C7orf25: variants seen among roughly 807,000 people sequenced by gnomAD.
C7orf25 encodes the protein UPF0415 protein C7orf25.
C7orf25 carries 14 observed loss-of-function variants against 25.5 expected under a neutral mutation model. The ratio of observed to expected loss-of-function variants is 0.55; its 90% CI spans 0.36 to 0.86. C7orf25 has a LOEUF of 0.86. C7orf25 is among the 40% of genes least tolerant of loss of function. The pLI, the probability that C7orf25 is intolerant of heterozygous loss-of-function variation, is 0.01. For missense variants in C7orf25, 405 were observed against 493.9 expected, an observed-to-expected ratio of 0.82 and a Z score of 1.71; for synonymous variants, 184 against 179.9, an observed-to-expected ratio of 1.02 and a Z score of -0.18.
intron 1 of C7orf25, 63 bp downstream of exon 1, chr7:42,911,852 C>T (rs1192577662): frequency 2.2e-5 from 30 of 1,357,778 alleles, no homozygotes; most frequent in Non-Finnish European, 2.5e-5. Context: ...CTGCCCAGCC[C>T]CCTCTGGCCT....
Position 42,910,838 on chromosome 7 carries a change from T to C in C7orf25, c.63A>G (p.Ala21=), listed in dbSNP as rs375214142. 1.1e-5 allele frequency: 17 copies of C among 1,614,126 alleles called. No homozygotes were observed. In the African/African-American group the frequency reaches 2.3e-4, roughly 22 times the overall value. ...CTTTTCTTGATCTAGAAAGTGATTC[T>C]GCTCTCTTGATCAGTTCCTTGGCTA... The part of the protein sequence containing the change: ...IAIAKELIKR[A]ESLSRSRKGG... The change falls in exon 2 of 2, where the codon GCA becomes GCG. Residue 21 remains alanine, a synonymous_variant. Transcript: ENST00000350427.
At position 42,909,929 on chromosome 7, in the gene C7orf25, T is replaced by C. The variant is rs1256624217; in HGVS notation, c.972A>G (p.Arg324=). Residue 324 remains arginine (R), a synonymous_variant, in exon 2 of 2, where the codon AGA becomes AGG. Coordinates refer to ENST00000350427, the MANE Select transcript of C7orf25 (RefSeq NM_001099858.2). ...GCTTAATTAACACAGTGGCCCTCTCTCTCTCCCCAGGTCCTCCTAAGGTAT... is the reference window on the plus strand; with the variant it reads ...GCTTAATTAACACAGTGGCCCTCTCCCTCTCCCCAGGTCCTCCTAAGGTAT... ...ILDTLGGPGE[R]ERATVLIKRI... 6.2e-7 allele frequency: 1 copy of C among 1,614,184 alleles called. No homozygotes were observed. The highest frequency in any genetic ancestry group is 8.5e-7 in the Non-Finnish European group (1 of 1,180,044).
At chr7:42,911,832 C>G in intron 1 of C7orf25, 83 bp downstream of exon 1, 2 of 1,300,816 alleles carry the variant, frequency 1.5e-6, no homozygotes, top group East Asian at 3.2e-5. Flanking sequence ...CCCTTCCCGC[C>G]GGGCCGGCCC....
At chr7:42,911,105 C>G in intron 1 of C7orf25, 184 bp from the exon 2 acceptor site, 1 of 1,054,670 alleles carries the variant, frequency 9.5e-7, no homozygotes, top group Non-Finnish European at 1.4e-6. Flanking sequence ...AGGATGGCAG[C>G]TACACTTTTG....
In C7orf25 at chr7:42,909,822, G is replaced by C. The variant is rs985536433; in HGVS notation, c.1079C>G (p.Thr360Arg). 3.7e-6 allele frequency: 6 copies of C among 1,614,194 alleles called. No individual in the cohort carries two copies. The highest frequency in any genetic ancestry group is 1.1e-5 in the South Asian group (1 of 91,082). ...ASSKINSRSL[T>R]IFGTGDTLKA... ...TAGGGTGTCTCCCGTCCCAAAAATT[G>C]TTAATGAGCGGCTATTAATTTTTGA... The change falls in exon 2 of 2, where the codon ACA (threonine) becomes AGA (arginine). Residue 360 changes from threonine to arginine, a missense_variant. Transcript: ENST00000350427.
chr7:42,912,057 A>C lies in C7orf25; in HGVS notation c.-164T>G. 6.9e-7 allele frequency: 1 copy of C among 1,450,510 alleles called. No homozygotes were observed. Among genetic ancestry groups the C allele is most frequent in the Non-Finnish European group, 9.0e-7 (1 of 1,109,512 alleles). 89.9% of individuals were successfully genotyped at this position (1,450,510 alleles called of 1,614,324 possible). A position where few individuals can be genotyped will look rare whatever the true frequency, so the allele number is the denominator to read the frequency against. The stretch of plus-strand genomic sequence containing the variant: ...CCGCGCGAGCCCCGCCGCCTCGGGC[A>C]CCTCCTGCATCACGTGGTTCCGGGC... On this transcript the variant is annotated 5_prime_UTR_variant, in exon 1 of 2. Transcript: ENST00000350427.
rs373521200 is a variant in C7orf25, at chr7:42,911,200, T to C, written c.-21-279A>G. On this transcript the variant is annotated intron_variant, in intron 1 of 1. Coordinates refer to ENST00000350427, the MANE Select transcript of C7orf25 (RefSeq NM_001099858.2). The stretch of plus-strand genomic sequence containing the variant: ...ATGGGGACACAGCATGGTCCTAGGT[T>C]AGGATACAATGCAAGAGTTGGGCAA... The C allele has an allele frequency of 4.3e-3, 2,779 of 639,174 alleles. 97 individuals are homozygous for C. The South Asian group carries it at 0.045, about 10-fold the overall frequency. 39.6% of individuals were successfully genotyped at this position (639,174 alleles called of 1,614,324 possible). A position where few individuals can be genotyped will look rare whatever the true frequency, so the allele number is the denominator to read the frequency against.
At position 42,911,953 on chromosome 7, in the gene C7orf25, G is replaced by A. The variant is rs1407410095; in HGVS notation, c.-60C>T. 10 of 1,489,390 alleles carry A rather than the reference G, an allele frequency of 6.7e-6. No individual in the cohort carries two copies. The highest frequency in any genetic ancestry group is 2.9e-5 in the African/African-American group (2 of 68,396). 92.3% of individuals were successfully genotyped at this position (1,489,390 alleles called of 1,614,324 possible). A position where few individuals can be genotyped will look rare whatever the true frequency, so the allele number is the denominator to read the frequency against. Reference sequence around the variant, plus strand: ...ACCGCGAGCGCGAGCACGCAGGCGCGTGCACGCAGAGGCCGGGACCCGCCG... The same window carrying A: ...ACCGCGAGCGCGAGCACGCAGGCGCATGCACGCAGAGGCCGGGACCCGCCG... On this transcript the variant is annotated 5_prime_UTR_variant, in exon 1 of 2. It adds an upstream start codon to the 5' untranslated region. Transcript: ENST00000350427.
rs1267885854 is a variant in C7orf25 at position 42,909,641 on chromosome 7, T to C, written c.1260A>G (p.Glu420=). The change falls in exon 2 of 2, where the codon GAA becomes GAG. Residue 420 remains glutamate (E), a synonymous_variant. Coordinates refer to ENST00000350427, the MANE Select transcript of C7orf25 (RefSeq NM_001099858.2). ...PLPKDYTTDS[E]H is the part of the protein sequence containing the mutation. ...AAATATTTAAAGGGTATCTTTAGTG[T>C]TCACTGTCAGTTGTGTAGTCTTTTG... is the stretch of plus-strand genomic sequence containing the variant. 3 of 1,609,512 alleles carry C rather than the reference T, an allele frequency of 1.9e-6. No homozygotes were observed. The highest frequency in any genetic ancestry group is 2.5e-6 in the Non-Finnish European group (3 of 1,178,416).
At position 42,912,007 on chromosome 7, in the gene C7orf25, C is replaced by T. The variant is rs745878539; in HGVS notation, c.-114G>A. 2.2e-5 allele frequency: 32 copies of T among 1,487,316 alleles called. No individual in the cohort carries two copies. The Middle Eastern group carries it at 5.3e-4, about 25-fold the overall frequency. The allele number at this position is 1,487,316 out of a possible 1,614,324, so 92.1% of individuals were successfully genotyped here. ...AATCTCAACCGGGCAGCCCCCACCC[C>T]GCTCGAACGCCGAGGCGGCTCCACC... On this transcript the variant is annotated 5_prime_UTR_variant, in exon 1 of 2. Transcript: ENST00000350427.
At position 42,910,477 on chromosome 7, in the gene C7orf25, T is replaced by C. The variant is rs1562695956; in HGVS notation, c.424A>G (p.Ile142Val). ...AGGAAGTCTTCAGCCTGCTCAATGA[T>C]GCTTTTGTCACCATATTGGCCCCTG... ...LGRGQYGDKS[I>V]IEQAEDFLQA... The change falls in exon 2 of 2, where the codon ATC becomes GTC. Residue 142 changes from isoleucine to valine, a missense_variant. Ile to Val is a conservative substitution (Grantham distance 29). Transcript: ENST00000350427. 2 of 1,614,272 alleles carry C rather than the reference T, an allele frequency of 1.2e-6. No individual in the cohort carries two copies. The highest frequency in any genetic ancestry group is 1.3e-5 in the African/African-American group (1 of 75,076).
Position 42,910,373 on chromosome 7 carries a change from G to T in C7orf25, c.528C>A (p.Pro176=). Residue 176 remains proline (P), a synonymous_variant, in exon 2 of 2, where the codon CCC becomes CCA. Coordinates refer to ENST00000350427, the MANE Select transcript of C7orf25 (RefSeq NM_001099858.2). The part of the protein sequence containing the change: ...IFAFYNSVSS[P]MAEKLKEMGI... ...CCATTTCTTTCAGCTTCTCTGCCAT[G>T]GGGCTGGAGACACTGTTGTAAAATG... is the stretch of plus-strand genomic sequence containing the variant. The T allele has an allele frequency of 1.2e-6, 2 of 1,614,170 alleles. No homozygotes were observed. Among genetic ancestry groups the T allele is most frequent in the Non-Finnish European group, 1.7e-6 (2 of 1,180,040 alleles).
In C7orf25 at chr7:42,911,993, G is replaced by A. The variant is rs756737674; in HGVS notation, c.-100C>T. The A allele has an allele frequency of 4.7e-6, 7 of 1,494,646 alleles. No homozygotes were observed. Among genetic ancestry groups the A allele is most frequent in the Non-Finnish European group, 6.2e-6 (7 of 1,130,140 alleles). 92.6% of individuals were successfully genotyped at this position (1,494,646 alleles called of 1,614,324 possible). A position where few individuals can be genotyped will look rare whatever the true frequency, so the allele number is the denominator to read the frequency against. ...GGGACCCGCCGGGAAATCTCAACCG[G>A]GCAGCCCCCACCCCGCTCGAACGCC... On this transcript the variant is annotated 5_prime_UTR_variant, in exon 1 of 2. Transcript: ENST00000350427.
chr7:42,911,146 T>TAGACCTTC, intron 1 of C7orf25: 1 of 801,708 alleles, frequency 1.2e-6, no homozygotes, highest in Non-Finnish European at 2.0e-6. Flanking sequence ...TGACACACTT[T>TAGACCTTC]AGACCTTCAT....
Position 42,910,610 on chromosome 7 carries a change from G to C in C7orf25, c.291C>G (p.Thr97=), listed in dbSNP as rs1220538382. ...SVLHVFGYTD[T]LGEKQTLVVD... ...CCACAAGGGTTTGCTTTTCTCCTAA[G>C]GTATCTGTATAACCAAAGACATGAA... Residue 97 remains threonine, a synonymous_variant, in exon 2 of 2, where the codon ACC becomes ACG. Transcript: ENST00000350427. The C allele has an allele frequency of 6.2e-7, 1 of 1,613,976 alleles. No individual in the cohort carries two copies. Among genetic ancestry groups the C allele is most frequent in the Non-Finnish European group, 8.5e-7 (1 of 1,180,044 alleles).
At chr7:42,911,339 A>G (rs1785890322) in intron 1 of C7orf25, 1 of 1,154,394 alleles carries the variant, frequency 8.7e-7, no homozygotes, top group Non-Finnish European at 1.1e-6. Context: ...CTGGCTAGTT[A>G]GCAAACTGTC....
chr7:42,910,558 T>A lies in C7orf25; in HGVS notation c.343A>T (p.Thr115Ser), dbSNP rs770230581. ...VVDVVANGGHTWVKAIGRKAE... is the reference protein window; with the variant it reads ...VVDVVANGGHSWVKAIGRKAE... Reference sequence around the variant, plus strand: ...TTCCGGCCAATGGCTTTCACCCAAGTATGACCACCATTTGCAACTACATCT... The same window carrying A: ...TTCCGGCCAATGGCTTTCACCCAAGAATGACCACCATTTGCAACTACATCT... Residue 115 changes from threonine to serine, a missense_variant, in exon 2 of 2, where the codon ACT becomes TCT. By Grantham distance (58) the Thr-to-Ser change is moderately conservative (BLOSUM62 1). Coordinates refer to ENST00000350427, the MANE Select transcript of C7orf25 (RefSeq NM_001099858.2). 6 of 1,614,124 alleles carry A rather than the reference T, an allele frequency of 3.7e-6. No homozygotes were observed. In the Admixed American group the frequency reaches 1.0e-4, roughly 27 times the overall value.
At chr7:42,911,041 C>T (rs643138) in intron 1 of C7orf25, 120 bp from the exon 2 acceptor site, 1,506,322 of 1,506,516 alleles carry the variant, frequency 1, 753,065 homozygotes, top group East Asian at 1. Flanking sequence ...TCTATGAACC[C>T]GGGCTTGTGT....
Position 42,911,983 on chromosome 7 carries a change from A to G in C7orf25, c.-90T>C. On this transcript the variant is annotated 5_prime_UTR_variant, in exon 1 of 2. Coordinates refer to ENST00000350427, the MANE Select transcript of C7orf25 (RefSeq NM_001099858.2). ...CGCAGAGGCCGGGACCCGCCGGGAA[A>G]TCTCAACCGGGCAGCCCCCACCCCG... 1 of 1,496,392 alleles carries G rather than the reference A, an allele frequency of 6.7e-7. No individual in the cohort carries two copies. Among genetic ancestry groups the G allele is most frequent in the East Asian group, 2.8e-5 (1 of 35,274 alleles). 92.7% of individuals were successfully genotyped at this position (1,496,392 alleles called of 1,614,324 possible). A position where few individuals can be genotyped will look rare whatever the true frequency, so the allele number is the denominator to read the frequency against.
Sources: gnomAD v4.1 joint callset for allele counts on GRCh38, gnomAD v4.1.1 for gene constraint, MANE v1.5 for transcripts, NCBI Gene and HGNC (gene_info 2026-07-23, HGNC 2026-07-21) for gene names.